Variants in CCDC171 observed in about 807,000 individuals in gnomAD.
The protein encoded by CCDC171 is coiled-coil domain containing 171, also known as coiled-coil domain-containing protein 171.
Under a neutral mutation model 168.2 loss-of-function variants are expected in CCDC171, and 177 were observed. The ratio of observed to expected loss-of-function variants is 1.05; its 90% CI spans 0.93 to 1.19. The LOEUF (loss-of-function observed/expected upper bound fraction) is 1.19, where lower values mean the gene tolerates loss of function less well. Among genes scored for constraint, CCDC171 ranks in the 50% most tolerant of loss-of-function variants. CCDC171 has a pLI of 0.00. For missense variants in CCDC171, 1,991 were observed against 1,539.0 expected (o/e 1.29, Z -4.91); for synonymous variants, 687 against 540.8 (o/e 1.27, Z -3.75).
At chr9:15,836,475 C>T (rs191528098) in intron 21 of CCDC171, among the ~76,000 whole-genome samples, 2 of 152,160 alleles carry the variant, frequency 1.3e-5, no homozygotes, top group African/African-American at 2.4e-5. Context: ...ACGCCATTCT[C>T]CTGCCTCAGC....
chr9:15,914,889 G>T (rs1295568969), intron 24 of CCDC171, among the ~76,000 whole-genome samples: 2 of 152,104 alleles, frequency 1.3e-5, no homozygotes, highest in East Asian at 1.9e-4. Context: ...GCTTCCCTTG[G>T]TTTGGAGAGG....
At chr9:16,031,972 C>T (rs896401812) in intron 6 of CCDC171, among the ~76,000 whole-genome samples, 4 of 152,170 alleles carry the variant, frequency 2.6e-5, no homozygotes, top group Admixed American at 6.5e-5. Context: ...CAGGGGAGCA[C>T]GGCCAGTGCT....
chr9:15,857,737 T>C (rs2061399836), intron 23 of CCDC171, among the ~76,000 whole-genome samples: 1 of 151,764 alleles, frequency 6.6e-6, no homozygotes, highest in Non-Finnish European at 1.5e-5. Context: ...TTTCATTCTT[T>C]AGCAAGTGAT....
chr9:16,058,064 T>C (rs1218389289), intron 1 of CCDC171, among the ~76,000 whole-genome samples: 1 of 150,650 alleles, frequency 6.6e-6, no homozygotes, highest in Non-Finnish European at 1.5e-5. Context: ...ATAATAATAA[T>C]AATAATAAAT....
At chr9:15,665,417 T>A (rs763203362) in intron 8 of CCDC171, among the ~76,000 whole-genome samples, 11 of 152,206 alleles carry the variant, frequency 7.2e-5, no homozygotes, top group Non-Finnish European at 1.5e-4. Context: ...ATCTGTTAAA[T>A]TTCTTAGGCT....
chr9:16,106,164 A>T, the CCDC171 span, among the ~76,000 whole-genome samples: 2 of 152,212 alleles, frequency 1.3e-5, no homozygotes, highest in Non-Finnish European at 2.9e-5. Context: ...CAAATCATCA[A>T]GAATGCTTGG....
chr9:15,838,040 C>A (rs2060522232), intron 21 of CCDC171, among the ~76,000 whole-genome samples: 1 of 152,058 alleles, frequency 6.6e-6, no homozygotes, highest in Admixed American at 6.6e-5. Context: ...AAATAATATT[C>A]TTTTCATTTA....
At chr9:15,836,066 G>A (rs780660139) in intron 21 of CCDC171, among the ~76,000 whole-genome samples, 2 of 152,018 alleles carry the variant, frequency 1.3e-5, no homozygotes, top group African/African-American at 4.8e-5. Flanking sequence ...TTCCCCCAAT[G>A]ATCCAATATT....
intron 11 of CCDC171, among the ~76,000 whole-genome samples, chr9:15,711,968 G>C (rs187924385): frequency 4.6e-5 from 7 of 152,312 alleles, no homozygotes; most frequent in Non-Finnish European, 8.8e-5. Context: ...TTCCAGGAGG[G>C]TCTATTATCC....
chr9:15,842,914 A>G (rs180825649), intron 21 of CCDC171, among the ~76,000 whole-genome samples: 10 of 152,020 alleles, frequency 6.6e-5, no homozygotes, highest in Admixed American at 2.0e-4. Flanking sequence ...AACTTCAGGA[A>G]CTATGGATAA....
chr9:15,630,028 C>A (rs548586484), intron 7 of CCDC171, among the ~76,000 whole-genome samples: 5 of 152,278 alleles, frequency 3.3e-5, no homozygotes, highest in African/African-American at 1.2e-4. Flanking sequence ...CTGAAGGAAG[C>A]ACTAAACATG....
At chr9:15,871,904 C>G (rs1010297061) in intron 23 of CCDC171, among the ~76,000 whole-genome samples, 1 of 151,934 alleles carries the variant, frequency 6.6e-6, no homozygotes, top group African/African-American at 2.4e-5. Context: ...TGCTTTCACT[C>G]CCTTTACTCA....
intron 3 of CCDC171, among the ~76,000 whole-genome samples, chr9:16,016,126 C>T (rs370420270): frequency 9.3e-4 from 142 of 152,194 alleles, no homozygotes; most frequent in African/African-American, 3.0e-3. Flanking sequence ...GGTATATACC[C>T]GGAAGTAGAA....
chr9:15,786,076 A>G (rs1282884940), intron 21 of CCDC171, among the ~76,000 whole-genome samples: 1 of 152,134 alleles, frequency 6.6e-6, no homozygotes, highest in Non-Finnish European at 1.5e-5. Context: ...CCAGGATGGT[A>G]TTAGTATTTT....
At chr9:15,813,875 C>T (rs2059456688) in intron 21 of CCDC171, among the ~76,000 whole-genome samples, 2 of 152,232 alleles carry the variant, frequency 1.3e-5, no homozygotes, top group Middle Eastern at 6.8e-3. Context: ...CTGGTGCACA[C>T]ACAATTTTTT....
intron 1 of CCDC171, among the ~76,000 whole-genome samples, chr9:16,052,746 C>A (rs544598135): frequency 6.6e-6 from 1 of 152,174 alleles, no homozygotes; most frequent in South Asian, 2.1e-4. Flanking sequence ...CTTTCTCTTT[C>A]TTCCCCTCTG....
intron 18 of CCDC171, among the ~76,000 whole-genome samples, chr9:15,760,501 T>G (rs1420006022): frequency 6.6e-6 from 1 of 152,212 alleles, no homozygotes; most frequent in Non-Finnish European, 1.5e-5. Flanking sequence ...GCAAATTACT[T>G]AATCTCATTT....
chr9:15,925,624 C>T (rs1340623098), intron 25 of CCDC171, among the ~76,000 whole-genome samples: 1 of 151,508 alleles, frequency 6.6e-6, no homozygotes, highest in Non-Finnish European at 1.5e-5. Flanking sequence ...AATGGTGTGC[C>T]TGGGACAATT....
intron 25 of CCDC171, among the ~76,000 whole-genome samples, chr9:15,944,825 TTTTCTTTCTTTTTTCTTTCTTTC>T (rs1223055614): frequency 5.8e-4 from 18 of 30,930 alleles, no homozygotes; most frequent in East Asian, 3.5e-3. Context: ...TTAGAATTCT[TTTTCTTTCTTTTTTCTTTCTTTC>T]TTTCTTTCTT....
Sources: gnomAD v4.1 joint callset for allele counts (sites outside exome capture counted in the v4.1 genomes callset) on GRCh38, gnomAD v4.1.1 for gene constraint, MANE v1.5 for transcripts, NCBI Gene and HGNC (gene_info 2026-07-23, HGNC 2026-07-21) for gene names.